CREB5: variants seen among roughly 807,000 people sequenced by gnomAD.
CREB5 encodes the protein cyclic AMP-responsive element-binding protein 5.
In CREB5, 19 loss-of-function variants were observed where a neutral mutation model predicts 57.1. The ratio of observed to expected loss-of-function variants is 0.33; its 90% CI spans 0.23 to 0.49. The LOEUF (loss-of-function observed/expected upper bound fraction) is 0.49, where lower values mean the gene tolerates loss of function less well. Ranked by LOEUF, CREB5 falls within the 20% of genes least tolerant of loss-of-function variation. The pLI, the probability that CREB5 is intolerant of heterozygous loss-of-function variation, is 0.99. For synonymous variants in CREB5, 238 were observed against 238.3 expected, an observed-to-expected ratio of 1.00 and a Z score of 0.01; for missense variants, 579 against 671.6, an observed-to-expected ratio of 0.86 and a Z score of 1.52.
intron 5 of CREB5, chr7:28,609,042 T>C (rs1477506405): frequency 6.6e-6 from 1 of 152,184 alleles, no homozygotes; most frequent in East Asian, 1.9e-4. Context: ...CTCTTGGAGC[T>C]TACCATCTAA....
chr7:28,361,998 G>A (rs938347543), intron 1 of CREB5, among the ~76,000 whole-genome samples: 3 of 152,152 alleles, frequency 2.0e-5, no homozygotes, highest in South Asian at 2.1e-4. Flanking sequence ...ACATAAATTA[G>A]CAAAGTGTTT....
chr7:28,663,553 G>A (rs996846595), intron 5 of CREB5, among the ~76,000 whole-genome samples: 5 of 152,136 alleles, frequency 3.3e-5, no homozygotes, highest in Non-Finnish European at 7.3e-5. Context: ...AAGTCAAGAG[G>A]GGACCACAAG....
In CREB5 at chr7:28,804,192, G is replaced by A; in HGVS notation, c.703-7G>A. The A allele has an allele frequency of 6.2e-7, 1 of 1,610,272 alleles. No individual in the cohort carries two copies. The highest frequency in any genetic ancestry group is 8.5e-7 in the Non-Finnish European group (1 of 1,176,930). ...TGTTCTCTCTCCTCCCTTTTGTTCT[G>A]TTTCAGAGGTTGAAGGCTGCATTGA... On this transcript the variant is annotated splice_polypyrimidine_tract_variant and splice_region_variant and intron_variant, in intron 7 of 10. Transcript: ENST00000357727.
intron 7 of CREB5, among the ~76,000 whole-genome samples, chr7:28,763,340 A>G (rs999859480): frequency 6.6e-6 from 1 of 152,166 alleles, no homozygotes; most frequent in Non-Finnish European, 1.5e-5. Flanking sequence ...CATACCTTCT[A>G]TTTCAAAGAG....
intron 5 of CREB5, among the ~76,000 whole-genome samples, chr7:28,606,925 A>G (rs1012648343): frequency 2.0e-5 from 3 of 152,222 alleles, no homozygotes; most frequent in Non-Finnish European, 4.4e-5. Context: ...TAGCATATTC[A>G]TCATCTCAAA....
At chr7:28,733,418 C>T (rs1803780387) in intron 7 of CREB5, among the ~76,000 whole-genome samples, 1 of 152,202 alleles carries the variant, frequency 6.6e-6, no homozygotes, top group African/African-American at 2.4e-5. Context: ...CATGATCTCG[C>T]TCCAGGACCC....
At chr7:28,560,907 TGCGTGTGC>T (rs1795169080) in intron 4 of CREB5, among the ~76,000 whole-genome samples, 7 of 42,732 alleles carry the variant, frequency 1.6e-4, no homozygotes, top group African/African-American at 8.2e-4. Context: ...CGTGCGCGCG[TGCGTGTGC>T]GTGTGTGCGC....
At chr7:28,657,821 CT>C (rs1260294170) in intron 5 of CREB5, among the ~76,000 whole-genome samples, 1 of 152,002 alleles carries the variant, frequency 6.6e-6, no homozygotes, top group Non-Finnish European at 1.5e-5. Flanking sequence ...TCCAAGCCAG[CT>C]GCTTAGATAT....
In CREB5 at chr7:28,658,953, G is replaced by GTATATATATATATATATATATGTGTATA. The variant is rs1554281550; in HGVS notation, c.465-59779_465-59778insGTGTATATATATATATATATATATATAT. On this transcript the variant is annotated intron_variant, in intron 5 of 10. Coordinates refer to ENST00000357727, the MANE Select transcript of CREB5 (RefSeq NM_182898.4). ...CACTAAATATTATATGTGTGTGTGT[G>GTATATATATATATATATATATGTGTATA]TATATATATATATATATATATATAT... Among the ~76,000 whole-genome samples the GTATATATATATATATATATATGTGTATA allele has an allele frequency of 2.2e-3, 215 of 99,592 alleles. 1 individual carries two copies. Among genetic ancestry groups the GTATATATATATATATATATATGTGTATA allele is most frequent in the African/African-American group, 6.9e-3 (211 of 30,474 alleles). 65.3% of individuals were successfully genotyped at this position (99,592 alleles called of 152,430 possible). A position where few individuals can be genotyped will look rare whatever the true frequency, so the allele number is the denominator to read the frequency against.
intron 2 of CREB5, 118 bp from the exon 3 acceptor site, chr7:28,494,788 T>C (rs1375269448): frequency 3.2e-6 from 2 of 631,366 alleles, no homozygotes; most frequent in South Asian, 6.9e-5. Context: ...TTTTTTTTTT[T>C]GTTTTGCCTG....
intron 5 of CREB5, among the ~76,000 whole-genome samples, chr7:28,621,913 T>C (rs921068340): frequency 6.6e-6 from 1 of 152,174 alleles, no homozygotes; most frequent in Non-Finnish European, 1.5e-5. Flanking sequence ...ATAAACTATG[T>C]TGATGGAAAA....
chr7:28,593,348 A>G (rs1796590587), intron 5 of CREB5, among the ~76,000 whole-genome samples: 1 of 152,186 alleles, frequency 6.6e-6, no homozygotes, highest in Non-Finnish European at 1.5e-5. Context: ...TCCTGGGTTC[A>G]AGCGGTTCTC....
At chr7:28,725,955 T>C (rs2128749843) in intron 7 of CREB5, among the ~76,000 whole-genome samples, 1 of 152,308 alleles carries the variant, frequency 6.6e-6, no homozygotes, top group South Asian at 2.1e-4. Flanking sequence ...AGTGTCCTTC[T>C]TCTCTTCTTG....
intron 7 of CREB5, among the ~76,000 whole-genome samples, chr7:28,749,852 A>G (rs891769141): frequency 6.6e-6 from 1 of 152,136 alleles, no homozygotes; most frequent in Non-Finnish European, 1.5e-5. Context: ...ATAGTTTTAC[A>G]TGTCTCAGAA....
chr7:28,724,129 A>G (rs777679347), intron 6 of CREB5, 93 bp from the exon 7 acceptor site: 1 of 1,075,038 alleles, frequency 9.3e-7, no homozygotes, highest in Admixed American at 2.4e-5. Flanking sequence ...TCAAAGAAAT[A>G]CTAAACGATC....
chr7:28,495,396 G>T (rs1791991764), intron 3 of CREB5, among the ~76,000 whole-genome samples: 1 of 151,994 alleles, frequency 6.6e-6, no homozygotes, highest in Non-Finnish European at 1.5e-5. Flanking sequence ...ACAAAAATTA[G>T]CCGGGCATGG....
At chr7:28,779,953 A>G (rs1302438021) in intron 7 of CREB5, among the ~76,000 whole-genome samples, 1 of 152,150 alleles carries the variant, frequency 6.6e-6, no homozygotes, top group Non-Finnish European at 1.5e-5. Flanking sequence ...TTATAGAGAT[A>G]GATAGGCATA....
chr7:28,488,027 T>A (rs1177720699), intron 1 of CREB5, 148 bp from the exon 2 acceptor site: 1 of 636,538 alleles, frequency 1.6e-6, no homozygotes, highest in Non-Finnish European at 2.8e-6. Context: ...GGGCCTGTGC[T>A]CACTCACATT....
intron 1 of CREB5, among the ~76,000 whole-genome samples, chr7:28,402,073 G>A (rs1340175411): frequency 6.6e-6 from 1 of 152,166 alleles, no homozygotes; most frequent in African/African-American, 2.4e-5. Context: ...TCCAGCACCT[G>A]TTGTTTCCTG....
Sources: gnomAD v4.1 joint callset for allele counts (sites outside exome capture counted in the v4.1 genomes callset) on GRCh38, gnomAD v4.1.1 for gene constraint, MANE v1.5 for transcripts, NCBI Gene and HGNC (gene_info 2026-07-23, HGNC 2026-07-21) for gene names.